Variants in AMIGO3 observed in about 807,000 individuals in gnomAD.
The protein encoded by AMIGO3 is adhesion molecule with Ig like domain 3.
A neutral mutation model predicts 4.3 loss-of-function variants in AMIGO3; 6 were observed. That is an observed-to-expected ratio of 1.39 (90% CI 0.76 to 2.75). AMIGO3 has a LOEUF of 2.75. Ranked by LOEUF, AMIGO3 falls within the 30% of genes most tolerant of loss-of-function variation. The pLI, the probability that AMIGO3 is intolerant of heterozygous loss-of-function variation, is 0.00. For synonymous variants in AMIGO3, 315 were observed against 320.0 expected (o/e 0.98, Z 0.17); for missense variants, 771 against 692.1 (o/e 1.11, Z -1.28).
chr3:49,717,350 G>C lies in AMIGO3; in HGVS notation c.*601C>G, dbSNP rs1485487641. On this transcript the variant is annotated 3_prime_UTR_variant, in exon 1 of 1. Coordinates refer to ENST00000320431, the MANE Select transcript of AMIGO3 (RefSeq NM_198722.3). ...AAGTTGTGAAGCTTTCAGGAGGTTG[G>C]GTGTTGGTGGATGGAGGGAGTCCCA... 1 of 159,080 alleles carries C rather than the reference G, an allele frequency of 6.3e-6. No homozygotes were observed. The highest frequency in any genetic ancestry group is 2.4e-5 in the African/African-American group (1 of 41,490). The allele number at this position is 159,080 out of a possible 1,614,324, so 9.9% of individuals were successfully genotyped here. A position where few individuals can be genotyped will look rare whatever the true frequency, so the allele number is the denominator to read the frequency against.
At position 49,718,146 on chromosome 3, in the gene AMIGO3, C is replaced by T. The variant is rs1265545394; in HGVS notation, c.1320G>A (p.Pro440=). 16 of 1,613,068 alleles carry T rather than the reference C, an allele frequency of 9.9e-6. No individual in the cohort carries two copies. Among genetic ancestry groups the T allele is most frequent in the Middle Eastern group, 1.6e-4 (1 of 6,084 alleles). ...TGGCCTTGCGGCTGGGTGCGTCTGG[C>T]GGTGTGGTGCTGAGTACTGAGGACT... ...SAQSSVLSTT[P]PDAPSRKASV... Residue 440 remains proline, a synonymous_variant, in exon 1 of 1, where the codon CCG becomes CCA. Coordinates refer to ENST00000320431, the MANE Select transcript of AMIGO3 (RefSeq NM_198722.3).
Position 49,718,306 on chromosome 3 carries a change from G to A in AMIGO3, c.1160C>T (p.Thr387Ile), listed in dbSNP as rs1401626695. The A allele has an allele frequency of 1.9e-6, 3 of 1,613,248 alleles. No individual in the cohort carries two copies. The highest frequency in any genetic ancestry group is 3.3e-5 in the Admixed American group (2 of 60,020). The change falls in exon 1 of 1, where the codon ACA (threonine) becomes ATA (isoleucine). Residue 387 changes from threonine (T) to isoleucine (I), a missense_variant. Transcript: ENST00000320431. Reference sequence around the variant, plus strand: ...AAGGCCCACGGCACAGCCCAGCAGTGTGGTGAAGCCTGTGTTGAAAGCCTC... The same window carrying A: ...AAGGCCCACGGCACAGCCCAGCAGTATGGTGAAGCCTGTGTTGAAAGCCTC... Reference protein sequence around the residue: ...EPEAFNTGFTTLLGCAVGLVL... With the variant: ...EPEAFNTGFTILLGCAVGLVL...
chr3:49,719,392 C>T lies in AMIGO3; in HGVS notation c.74G>A (p.Gly25Asp), dbSNP rs539650449. The change falls in exon 1 of 1, where the codon GGT (glycine) becomes GAT (aspartate). Residue 25 changes from glycine to aspartate, a missense_variant. Gly to Asp is a moderately conservative substitution (Grantham distance 94, BLOSUM62 -1). Transcript: ENST00000320431. ...RVGLGTPDSE[G>D]FPPRALHNCP... ...GTTGTGGAGCGCACGGGGCGGGAAA[C>T]CCTCGGAGTCCGGGGTGCCTAACCC... The T allele has an allele frequency of 3.7e-6, 6 of 1,613,484 alleles. No individual in the cohort carries two copies. The highest frequency in any genetic ancestry group is 5.1e-6 in the Non-Finnish European group (6 of 1,180,038).
rs549599927 is a variant in AMIGO3, at chr3:49,718,967, T to G, written c.499A>C (p.Asn167His). The change falls in exon 1 of 1, where the codon AAC (asparagine) becomes CAC (histidine). Residue 167 changes from asparagine to histidine, a missense_variant. By Grantham distance (68) the Asn-to-His change is moderately conservative. Transcript: ENST00000320431. ...RALSHLYLGC[N>H]ELASFSFDHL... Reference sequence around the variant, plus strand: ...TCGAAGGAGAACGAGGCGAGTTCGTTGCAGCCCAGGTAGAGATGGCTGAGC... The same window carrying G: ...TCGAAGGAGAACGAGGCGAGTTCGTGGCAGCCCAGGTAGAGATGGCTGAGC... 6.2e-7 allele frequency: 1 copy of G among 1,613,800 alleles called. No homozygotes were observed. The highest frequency in any genetic ancestry group is 1.1e-5 in the South Asian group (1 of 91,086).
Position 49,718,029 on chromosome 3 carries a change from G to A in AMIGO3, c.1437C>T (p.Tyr479=), listed in dbSNP as rs2080283458. The A allele has an allele frequency of 6.2e-7, 1 of 1,613,692 alleles. No individual in the cohort carries two copies. Among genetic ancestry groups the A allele is most frequent in the African/African-American group, 1.3e-5 (1 of 75,066 alleles). Residue 479 remains tyrosine, a synonymous_variant, in exon 1 of 1, where the codon TAC becomes TAT. Transcript: ENST00000320431. ...QLAVAEEFDL[Y]NPGGLQLKAG... ...CCTTCAGCTGCAGGCCTCCAGGGTT[G>A]TAGAGATCGAATTCCTCAGCTACTG...
rs202201340 is a variant in AMIGO3 at position 49,719,120 on chromosome 3, G to C, written c.346C>G (p.Leu116Val). Residue 116 changes from leucine (L) to valine (V), a missense_variant, in exon 1 of 1, where the codon CTA (leucine) becomes GTA (valine). Physicochemically the swap from Leu to Val is conservative, Grantham distance 32. Coordinates refer to ENST00000320431, the MANE Select transcript of AMIGO3 (RefSeq NM_198722.3). ...AGCGCCCGCAACGTGTTAGATGATA[G>C]ATCGAGCAGCCTCAGGCCGCTGGCG... ...VNASGLRLLD[L>V]SSNTLRALGR... The C allele has an allele frequency of 1.9e-6, 3 of 1,613,576 alleles. No individual in the cohort carries two copies. The Admixed American group carries it at 5.0e-5, about 27-fold the overall frequency.
chr3:49,719,156 C>T lies in AMIGO3; in HGVS notation c.310G>A (p.Val104Ile). ...CTCAGGCCGCTGGCGTTGACGAAGA[C>T]GCCGCGACCCAGCGCATCTAGTTCG... ...HNELDALGRG[V>I]FVNASGLRLL... Residue 104 changes from valine (V) to isoleucine (I), a missense_variant, in exon 1 of 1, where the codon GTC (valine) becomes ATC (isoleucine). Physicochemically the swap from Val to Ile is conservative, Grantham distance 29 (BLOSUM62 3). Coordinates refer to ENST00000320431, the MANE Select transcript of AMIGO3 (RefSeq NM_198722.3). 1.2e-6 allele frequency: 2 copies of T among 1,613,554 alleles called. No homozygotes were observed. Among genetic ancestry groups the T allele is most frequent in the South Asian group, 1.1e-5 (1 of 91,084 alleles).
In AMIGO3 at chr3:49,717,107, C is replaced by T. The variant is rs2080263077; in HGVS notation, c.*844G>A. The T allele has an allele frequency of 6.5e-6, 1 of 153,120 alleles. No individual in the cohort carries two copies. Among genetic ancestry groups the T allele is most frequent in the African/African-American group, 2.4e-5 (1 of 41,478 alleles). The allele number at this position is 153,120 out of a possible 1,614,324, so 9.5% of individuals were successfully genotyped here. A position where few individuals can be genotyped will look rare whatever the true frequency, so the allele number is the denominator to read the frequency against. ...GCCCTCCCAGCTCGGCCATGCTCGCCAGGCTTTTCGGGCTTTTTACTGCTG... is the reference window on the plus strand; with the variant it reads ...GCCCTCCCAGCTCGGCCATGCTCGCTAGGCTTTTCGGGCTTTTTACTGCTG... On this transcript the variant is annotated 3_prime_UTR_variant, in exon 1 of 1. Transcript: ENST00000320431.
Position 49,719,435 on chromosome 3 carries a change from G to A in AMIGO3, c.31C>T (p.Leu11Phe), listed in dbSNP as rs755387386. 6.2e-7 allele frequency: 1 copy of A among 1,613,362 alleles called. No homozygotes were observed. Among genetic ancestry groups the A allele is most frequent in the Non-Finnish European group, 8.5e-7 (1 of 1,179,988 alleles). The change falls in exon 1 of 1, where the codon CTC (leucine) becomes TTC (phenylalanine). Residue 11 changes from leucine (L) to phenylalanine (F), a missense_variant. By Grantham distance (22) the Leu-to-Phe change is conservative (BLOSUM62 0). Coordinates refer to ENST00000320431, the MANE Select transcript of AMIGO3 (RefSeq NM_198722.3). ...CCTAACCCAACGCGCAGCATGCAGA[G>A]CAGTGTCCCCAGCAGCACCAACCAG... MTWLVLLGTL[L>F]CMLRVGLGTP... is the part of the protein sequence containing the mutation.
In AMIGO3 at chr3:49,719,319, G is replaced by A; in HGVS notation, c.147C>T (p.Gly49=). ...CGGCTGGCACGTCCTGCAGCCCTAGGCCAGTGCAGCTTAGCAGGTCGGCAG... is the reference window on the plus strand; with the variant it reads ...CGGCTGGCACGTCCTGCAGCCCTAGACCAGTGCAGCTTAGCAGGTCGGCAG... The part of the protein sequence containing the change: ...ICAADLLSCT[G]LGLQDVPAEL... Residue 49 remains glycine (G), a synonymous_variant, in exon 1 of 1, where the codon GGC becomes GGT. Coordinates refer to ENST00000320431, the MANE Select transcript of AMIGO3 (RefSeq NM_198722.3). 1 of 1,613,298 alleles carries A rather than the reference G, an allele frequency of 6.2e-7. No individual in the cohort carries two copies. Among genetic ancestry groups the A allele is most frequent in the Non-Finnish European group, 8.5e-7 (1 of 1,180,016 alleles).
In AMIGO3 at chr3:49,718,742, C is replaced by T. The variant is rs753248795; in HGVS notation, c.724G>A (p.Val242Met). Reference sequence around the variant, plus strand: ...ACGTACTCGCGCGCAAAGTCGCGCACGGCGCTCAGGCCCCGCTGGTGCCAG... The same window carrying T: ...ACGTACTCGCGCGCAAAGTCGCGCATGGCGCTCAGGCCCCGCTGGTGCCAG... Reference protein sequence around the residue: ...QRWHQRGLSAVRDFAREYVCL... With the variant: ...QRWHQRGLSAMRDFAREYVCL... Residue 242 changes from valine to methionine, a missense_variant, in exon 1 of 1, where the codon GTG becomes ATG. Physicochemically the swap from Val to Met is conservative, Grantham distance 21 (BLOSUM62 1). Transcript: ENST00000320431. 4 of 1,613,074 alleles carry T rather than the reference C, an allele frequency of 2.5e-6. No individual in the cohort carries two copies. Among genetic ancestry groups the T allele is most frequent in the Admixed American group, 3.3e-5 (2 of 60,002 alleles).
chr3:49,718,605 G>T lies in AMIGO3; in HGVS notation c.861C>A (p.His287Gln). 2 of 1,613,004 alleles carry T rather than the reference G, an allele frequency of 1.2e-6. No individual in the cohort carries two copies. Among genetic ancestry groups the T allele is most frequent in the Non-Finnish European group, 1.7e-6 (2 of 1,179,954 alleles). The change falls in exon 1 of 1, where the codon CAC (histidine) becomes CAA (glutamine). Residue 287 changes from histidine to glutamine, a missense_variant. Coordinates refer to ENST00000320431, the MANE Select transcript of AMIGO3 (RefSeq NM_198722.3). Reference protein sequence around the residue: ...PALGLERPEEHLYALVGRSLR... With the variant: ...PALGLERPEEQLYALVGRSLR... ...GGGACCGACCCACCAGCGCGTACAGGTGCTCTTCCGGCCGCTCTAGGCCAA... is the reference window on the plus strand; with the variant it reads ...GGGACCGACCCACCAGCGCGTACAGTTGCTCTTCCGGCCGCTCTAGGCCAA...
At position 49,719,637 on chromosome 3, in the gene AMIGO3, C is replaced by G; in HGVS notation, c.-172G>C. ...ACTCTCCGGTTCCCAGGTTGTGAGGCGGTGCGGCACTCTTAGCCGCGCTCC... is the reference window on the plus strand; with the variant it reads ...ACTCTCCGGTTCCCAGGTTGTGAGGGGGTGCGGCACTCTTAGCCGCGCTCC... On this transcript the variant is annotated 5_prime_UTR_variant, in exon 1 of 1. Transcript: ENST00000320431. 1.7e-6 allele frequency: 1 copy of G among 604,230 alleles called. No homozygotes were observed. The highest frequency in any genetic ancestry group is 2.1e-5 in the South Asian group (1 of 46,846). The allele number at this position is 604,230 out of a possible 1,614,324, so 37.4% of individuals were successfully genotyped here.
Position 49,717,839 on chromosome 3 carries a change from G to C in AMIGO3, c.*112C>G. ...TGTTTCGAGGCCCATACAGGAAGCT[G>C]GGGGGCCAGGCACAGTGCTTCCCAC... On this transcript the variant is annotated 3_prime_UTR_variant, in exon 1 of 1. Coordinates refer to ENST00000320431, the MANE Select transcript of AMIGO3 (RefSeq NM_198722.3). 2 of 1,188,362 alleles carry C rather than the reference G, an allele frequency of 1.7e-6. No individual in the cohort carries two copies. Among genetic ancestry groups the C allele is most frequent in the African/African-American group, 3.0e-5 (2 of 65,712 alleles). The allele number at this position is 1,188,362 out of a possible 1,614,324, so 73.6% of individuals were successfully genotyped here.
chr3:49,718,481 T>G lies in AMIGO3; in HGVS notation c.985A>C (p.Ile329Leu). ...AAGCTGCCGTCGGCCAGCACCGCGA[T>G]GCTGCCATCGCGGGATCCTGGCGCC... is the stretch of plus-strand genomic sequence containing the variant. ...LRAPGSRDGS[I>L]AVLADGSLAI... is the part of the protein sequence containing the mutation. The change falls in exon 1 of 1, where the codon ATC becomes CTC. Residue 329 changes from isoleucine to leucine, a missense_variant. Transcript: ENST00000320431. 6.2e-7 allele frequency: 1 copy of G among 1,613,044 alleles called. No homozygotes were observed. Among genetic ancestry groups the G allele is most frequent in the East Asian group, 2.2e-5 (1 of 44,874 alleles).
rs1012088545 is a variant in AMIGO3, at chr3:49,717,684, A to G, written c.*267T>C. The stretch of plus-strand genomic sequence containing the variant: ...CTCACAGGGCATTTGGGCACTAGGA[A>G]GTCCGCGGGAAAGCAGGAACTAGCA... On this transcript the variant is annotated 3_prime_UTR_variant, in exon 1 of 1. Coordinates refer to ENST00000320431, the MANE Select transcript of AMIGO3 (RefSeq NM_198722.3). The G allele has an allele frequency of 4.7e-5, 26 of 552,720 alleles. 1 individual carries two copies. The highest frequency in any genetic ancestry group is 8.1e-5 in the Non-Finnish European group (25 of 310,098). 34.2% of individuals were successfully genotyped at this position (552,720 alleles called of 1,614,324 possible).
rs1449334088 is a variant in AMIGO3, at chr3:49,719,631, G to A, written c.-166C>T. On this transcript the variant is annotated 5_prime_UTR_variant, in exon 1 of 1. Transcript: ENST00000320431. ...GCCCCTACTCTCCGGTTCCCAGGTT[G>A]TGAGGCGGTGCGGCACTCTTAGCCG... is the stretch of plus-strand genomic sequence containing the variant. 2 of 622,154 alleles carry A rather than the reference G, an allele frequency of 3.2e-6. No homozygotes were observed. The highest frequency in any genetic ancestry group is 5.7e-6 in the Non-Finnish European group (2 of 353,608). The allele number at this position is 622,154 out of a possible 1,614,324, so 38.5% of individuals were successfully genotyped here.
chr3:49,717,890 A>T lies in AMIGO3; in HGVS notation c.*61T>A. 1.4e-5 allele frequency: 22 copies of T among 1,541,220 alleles called. No homozygotes were observed. Among genetic ancestry groups the T allele is most frequent in the Non-Finnish European group, 1.9e-5 (22 of 1,142,846 alleles). On this transcript the variant is annotated 3_prime_UTR_variant, in exon 1 of 1. Coordinates refer to ENST00000320431, the MANE Select transcript of AMIGO3 (RefSeq NM_198722.3). The stretch of plus-strand genomic sequence containing the variant: ...CAGTATCTGCCAGTTCTCTGGACCG[A>T]AGCAGGGAGCAGGGCGAGCAGCAAG...
In AMIGO3 at chr3:49,719,583, C is replaced by G. The variant is rs946603135; in HGVS notation, c.-118G>C. ...CCGGATGGCCCTTGCCGAGGAGGCA[C>G]GGCGGGTTCTTGCCAGCCGACGGCC... On this transcript the variant is annotated 5_prime_UTR_variant, in exon 1 of 1. Transcript: ENST00000320431. The G allele has an allele frequency of 3.3e-6, 3 of 917,862 alleles. No individual in the cohort carries two copies. Among genetic ancestry groups the G allele is most frequent in the East Asian group, 5.4e-5 (2 of 37,050 alleles). 56.9% of individuals were successfully genotyped at this position (917,862 alleles called of 1,614,324 possible).
Sources: allele counts gnomAD v4.1 joint callset, GRCh38; gene constraint gnomAD v4.1.1; transcripts MANE v1.5; gene names NCBI Gene and HGNC (gene_info 2026-07-23, HGNC 2026-07-21).